Variants in P2RX7 observed in about 807,000 individuals in gnomAD.
P2RX7 encodes the protein P2X purinoceptor 7.
P2RX7 carries 62 observed loss-of-function variants against 71.6 expected under a neutral mutation model. The ratio of observed to expected loss-of-function variants is 0.87; its 90% CI spans 0.71 to 1.07. The LOEUF (loss-of-function observed/expected upper bound fraction) is 1.07, where lower values mean the gene tolerates loss of function less well. Among genes scored for constraint, P2RX7 ranks in the 50% least tolerant of loss-of-function variants. The pLI is 0.00. For synonymous variants in P2RX7, 299 were observed against 283.3 expected (o/e 1.06, Z -0.56); for missense variants, 686 against 748.5 (o/e 0.92, Z 0.97).
At chr12:121,168,111 G>C (rs1237093243) in intron 8 of P2RX7, among the ~76,000 whole-genome samples, 1 of 151,570 alleles carries the variant, frequency 6.6e-6, no homozygotes, top group Non-Finnish European at 1.5e-5. Context: ...CAGCTCCTAT[G>C]AGATAATAGC....
chr12:121,177,225 C>G lies in P2RX7; in HGVS notation c.1038+13C>G. On this transcript the variant is annotated intron_variant, in intron 10 of 12. Coordinates refer to ENST00000328963, the MANE Select transcript of P2RX7 (RefSeq NM_002562.6). The stretch of plus-strand genomic sequence containing the variant: ...CTACTTCGGTCTGGTAAGAGATTCT[C>G]TTTTCCATGCTTTAGGAAAATGGTT... 4 of 1,614,154 alleles carry G rather than the reference C, an allele frequency of 2.5e-6. No homozygotes were observed. Among genetic ancestry groups the G allele is most frequent in the Non-Finnish European group, 3.4e-6 (4 of 1,179,996 alleles).
At chr12:121,150,971 C>T (rs990345281) in intron 1 of P2RX7, among the ~76,000 whole-genome samples, 6 of 152,306 alleles carry the variant, frequency 3.9e-5, no homozygotes, top group Non-Finnish European at 5.9e-5. Context: ...ATAACACCCA[C>T]GTACCACCAT....
At chr12:121,146,288 T>TC (rs1491409278) in intron 1 of P2RX7, among the ~76,000 whole-genome samples, 1 of 46,798 alleles carries the variant, frequency 2.1e-5, no homozygotes, top group African/African-American at 1.8e-4. Context: ...CAAGCCTCTC[T>TC]TTTTTTTTTT....
At chr12:121,136,362 A>G (rs1367427230) in intron 1 of P2RX7, among the ~76,000 whole-genome samples, 2 of 151,832 alleles carry the variant, frequency 1.3e-5, no homozygotes, top group Non-Finnish European at 2.9e-5. Context: ...GTGTTGCCCT[A>G]GGCTGGAGTG....
chr12:121,156,200 G>A (rs1325051590), intron 3 of P2RX7, 53 bp downstream of exon 3: 3 of 1,462,110 alleles, frequency 2.1e-6, no homozygotes, highest in African/African-American at 1.4e-5. Flanking sequence ...CCTGGGGGAG[G>A]TGCAAGTCGG....
chr12:121,180,232 T>G, intron 11 of P2RX7, 122 bp from the exon 12 acceptor site: 1 of 464,512 alleles, frequency 2.2e-6, no homozygotes, highest in Admixed American at 3.9e-5. Context: ...TTAATGAGAG[T>G]TTTGAGCCAG....
chr12:121,151,258 T>C (rs1468299834), intron 1 of P2RX7, among the ~76,000 whole-genome samples: 1 of 152,198 alleles, frequency 6.6e-6, no homozygotes, highest in African/African-American at 2.4e-5. Flanking sequence ...TTTTTTTTTT[T>C]TCTTTTTGAG....
chr12:121,133,816 T>A (rs978652866), intron 1 of P2RX7, among the ~76,000 whole-genome samples: 38 of 152,228 alleles, frequency 2.5e-4, no homozygotes, highest in Non-Finnish European at 1.5e-5. Context: ...TGGAATCACA[T>A]AATATGTGGT....
At chr12:121,166,597 C>T (rs1383949976) in intron 7 of P2RX7, among the ~76,000 whole-genome samples, 1 of 152,156 alleles carries the variant, frequency 6.6e-6, no homozygotes, top group Non-Finnish European at 1.5e-5. Context: ...TCTTCAAAGC[C>T]AGCAGCATAA....
rs1884945161 is a variant in P2RX7, at chr12:121,186,909, G to T, written c.*2107G>T. 6.6e-6 allele frequency: 1 copy of T among 152,230 alleles called. No homozygotes were observed. Among genetic ancestry groups the T allele is most frequent in the Non-Finnish European group, 1.5e-5 (1 of 68,084 alleles). 9.4% of individuals were successfully genotyped at this position (152,230 alleles called of 1,614,324 possible). On this transcript the variant is annotated 3_prime_UTR_variant, in exon 13 of 13. Coordinates refer to ENST00000328963, the MANE Select transcript of P2RX7 (RefSeq NM_002562.6). ...ACAACAACAAAACAATTCTATGACT[G>T]AAAGTGACTAAAAAGCTGGCTTTAT...
At chr12:121,169,114 C>T (rs1618709) in intron 8 of P2RX7, among the ~76,000 whole-genome samples, 58,942 of 151,760 alleles carry the variant, frequency 0.39, 11,887 homozygotes, top group African/African-American at 0.45. Context: ...TACAGGTGCA[C>T]GCCACCATGC....
At chr12:121,157,938 T>C (rs549458874) in intron 3 of P2RX7, among the ~76,000 whole-genome samples, 2 of 152,334 alleles carry the variant, frequency 1.3e-5, no homozygotes, top group South Asian at 2.1e-4. Context: ...TCAAATGACA[T>C]GTTACTCCTC....
At chr12:121,162,977 G>T (rs962293641) in intron 5 of P2RX7, among the ~76,000 whole-genome samples, 3 of 135,804 alleles carry the variant, frequency 2.2e-5, no homozygotes, top group Non-Finnish European at 3.2e-5. Context: ...GGGTAAAAGA[G>T]GGGGGGAAGG....
At chr12:121,163,587 AG>A (rs1880308670) in intron 5 of P2RX7, among the ~76,000 whole-genome samples, 3 of 144,322 alleles carry the variant, frequency 2.1e-5, no homozygotes, top group Non-Finnish European at 4.5e-5. Flanking sequence ...GATAATAGAT[AG>A]ATAGACAGGT....
chr12:121,140,170 G>T (rs990507739), intron 1 of P2RX7, among the ~76,000 whole-genome samples: 2 of 152,210 alleles, frequency 1.3e-5, no homozygotes, highest in African/African-American at 4.8e-5. Context: ...CGTAGGAGGA[G>T]AAGAATCCAG....
chr12:121,170,256 C>T (rs1221757755), intron 8 of P2RX7, among the ~76,000 whole-genome samples: 1 of 152,106 alleles, frequency 6.6e-6, no homozygotes, highest in Admixed American at 6.5e-5. Flanking sequence ...ACTGCCCTTC[C>T]AGGGTGTTTT....
intron 12 of P2RX7, among the ~76,000 whole-genome samples, chr12:121,182,712 T>C (rs1360614820): frequency 6.6e-6 from 1 of 152,218 alleles, no homozygotes; most frequent in East Asian, 1.9e-4. Flanking sequence ...TGTGAAAGCC[T>C]AGGTTGTTAC....
Position 121,167,551 on chromosome 12 carries a change from C to A in P2RX7, c.808C>A (p.Arg270Ser). 6.2e-7 allele frequency: 1 copy of A among 1,613,504 alleles called. No individual in the cohort carries two copies. The highest frequency in any genetic ancestry group is 1.1e-5 in the South Asian group (1 of 91,034). ...CCTAGACCGTTGGTTCCATCACTGC[C>A]GTCCCAAATACAGTTTCCGTCGCCT... Reference protein sequence around the residue: ...CNLDRWFHHCRPKYSFRRLDD... With the variant: ...CNLDRWFHHCSPKYSFRRLDD... Residue 270 changes from arginine to serine, a missense_variant, in exon 8 of 13, where the codon CGT becomes AGT. Arg to Ser is a moderately radical substitution (Grantham distance 110). Coordinates refer to ENST00000328963, the MANE Select transcript of P2RX7 (RefSeq NM_002562.6).
chr12:121,162,551 C>T (rs201525469), intron 5 of P2RX7, 31 bp downstream of exon 5: 27 of 1,606,798 alleles, frequency 1.7e-5, no homozygotes, highest in Non-Finnish European at 2.3e-5. Flanking sequence ...GACACAGTGG[C>T]CCTCAGCGGC....
Sources: allele counts gnomAD v4.1 joint callset (sites outside exome capture counted in the v4.1 genomes callset), GRCh38; gene constraint gnomAD v4.1.1; transcripts MANE v1.5; gene names NCBI Gene and HGNC (gene_info 2026-07-23, HGNC 2026-07-21).